The following DHX57 variants were observed in gnomAD, a reference collection of about 807,000 sequenced individuals.
The protein encoded by DHX57 is putative ATP-dependent RNA helicase DHX57.
In DHX57, 105 loss-of-function variants were observed where a neutral mutation model predicts 156.2. The observed-to-expected ratio is 0.67, with a 90% CI of 0.57 to 0.79. The LOEUF is 0.79. DHX57 is among the 30% of genes least tolerant of loss of function. The pLI is 0.00. For synonymous variants in DHX57, 704 were observed against 595.6 expected, an observed-to-expected ratio of 1.18 and a Z score of -2.65; for missense variants, 1,847 against 1,661.9, an observed-to-expected ratio of 1.11 and a Z score of -1.94.
At chr2:38,835,475 G>GCAC (rs1671603732) in intron 13 of DHX57, among the ~76,000 whole-genome samples, 1 of 152,194 alleles carries the variant, frequency 6.6e-6, no homozygotes, top group African/African-American at 2.4e-5. Context: ...GAATCAGGAA[G>GCAC]CACCTTGCCA....
intron 11 of DHX57, among the ~76,000 whole-genome samples, chr2:38,846,692 G>A (rs1198090306): frequency 6.6e-6 from 1 of 151,736 alleles, no homozygotes. Flanking sequence ...CTGAAAGAGA[G>A]GGGAGAACAA....
chr2:38,810,858 G>C, intron 21 of DHX57: 2 of 742,480 alleles, frequency 2.7e-6, no homozygotes, highest in Non-Finnish European at 4.9e-6. Context: ...TCATTTCAAT[G>C]AAGCGGTTCT....
At chr2:38,809,122 C>T (rs532298211) in intron 21 of DHX57, among the ~76,000 whole-genome samples, 33 of 152,054 alleles carry the variant, frequency 2.2e-4, no homozygotes, top group African/African-American at 8.0e-4. Context: ...AAAGTTTTGC[C>T]CATTTATTAT....
chr2:38,859,585 A>G (rs993291452), intron 5 of DHX57, among the ~76,000 whole-genome samples: 2 of 152,294 alleles, frequency 1.3e-5, no homozygotes, highest in East Asian at 3.9e-4. Context: ...AAAGTGCATG[A>G]CACATAATTT....
chr2:38,862,473 A>G, intron 3 of DHX57, 140 bp from the exon 4 acceptor site: 1 of 808,556 alleles, frequency 1.2e-6, no homozygotes, highest in Non-Finnish European at 1.7e-6. Flanking sequence ...TGAACTATTA[A>G]TTTATATCTT....
intron 19 of DHX57, among the ~76,000 whole-genome samples, chr2:38,817,508 G>A (rs1670605502): frequency 6.6e-6 from 1 of 151,314 alleles, no homozygotes; most frequent in Admixed American, 6.6e-5. Flanking sequence ...TAGAGATGGA[G>A]TTTTGCTATG....
intron 21 of DHX57, among the ~76,000 whole-genome samples, chr2:38,809,002 C>G (rs987755240): frequency 4.6e-5 from 7 of 152,152 alleles, no homozygotes; most frequent in African/African-American, 1.7e-4. Context: ...ACAGTCATAG[C>G]TAACTGTGGC....
At chr2:38,842,956 A>C (rs538033637) in intron 12 of DHX57, 49 bp downstream of exon 12, 1 of 1,572,528 alleles carries the variant, frequency 6.4e-7, no homozygotes, top group African/African-American at 1.4e-5. Context: ...AAGAAAGAAT[A>C]CTAGAAATCT....
chr2:38,809,039 T>C (rs1670099822), intron 21 of DHX57, among the ~76,000 whole-genome samples: 2 of 152,128 alleles, frequency 1.3e-5, no homozygotes, highest in Non-Finnish European at 2.9e-5. Flanking sequence ...ACAGTGATCC[T>C]CCTATCTTAG....
chr2:38,867,566 G>A (rs1665143303), intron 2 of DHX57, among the ~76,000 whole-genome samples: 1 of 152,090 alleles, frequency 6.6e-6, no homozygotes, highest in Non-Finnish European at 1.5e-5. Flanking sequence ...GCTGTTCAAT[G>A]TTTGTTTTTT....
At chr2:38,824,833 G>C (rs1671013041) in intron 16 of DHX57, among the ~76,000 whole-genome samples, 2 of 152,108 alleles carry the variant, frequency 1.3e-5, no homozygotes, top group Non-Finnish European at 2.9e-5. Flanking sequence ...TTTTTTAGTA[G>C]AGATGGGGTT....
At chr2:38,862,432 C>G (rs1673284207) in intron 3 of DHX57, 99 bp from the exon 4 acceptor site, 1 of 1,180,128 alleles carries the variant, frequency 8.5e-7, no homozygotes, top group East Asian at 2.7e-5. Flanking sequence ...AGGATCCTGA[C>G]TACTCTTCAG....
intron 14 of DHX57, 47 bp from the exon 15 acceptor site, chr2:38,826,736 A>C: frequency 6.3e-7 from 1 of 1,582,708 alleles, no homozygotes; most frequent in African/African-American, 1.3e-5. Flanking sequence ...CCTAGCACCG[A>C]AACTAGATTA....
chr2:38,865,108 C>T (rs1464871339), intron 2 of DHX57, among the ~76,000 whole-genome samples: 2 of 152,066 alleles, frequency 1.3e-5, no homozygotes, highest in African/African-American at 2.4e-5. Context: ...GTTTTTCATA[C>T]TTTCTCTTAG....
intron 11 of DHX57, 135 bp from the exon 12 acceptor site, chr2:38,843,345 C>A: frequency 2.3e-6 from 2 of 872,492 alleles, no homozygotes; most frequent in Non-Finnish European, 3.6e-6. Flanking sequence ...TCCACCAGTC[C>A]AGGATTCTGG....
intron 21 of DHX57, among the ~76,000 whole-genome samples, chr2:38,807,124 G>A (rs1424247547): frequency 1.3e-5 from 2 of 151,280 alleles, no homozygotes; most frequent in African/African-American, 4.9e-5. Flanking sequence ...GTGCGATCTC[G>A]GCTCACTGCA....
intron 9 of DHX57, among the ~76,000 whole-genome samples, chr2:38,852,562 A>G (rs770645053): frequency 1.4e-4 from 21 of 150,120 alleles, no homozygotes; most frequent in African/African-American, 5.2e-4. Context: ...AATGCCATCC[A>G]TCTTCCTGGC....
intron 21 of DHX57, chr2:38,811,302 G>T: frequency 1.9e-6 from 1 of 526,058 alleles, no homozygotes; most frequent in Non-Finnish European, 3.8e-6. Context: ...AACCAGACCT[G>T]ATCGTTCCCC....
At chr2:38,832,757 C>T (rs1432615904) in intron 13 of DHX57, among the ~76,000 whole-genome samples, 4 of 151,860 alleles carry the variant, frequency 2.6e-5, no homozygotes, top group African/African-American at 9.6e-5. Flanking sequence ...AGGCTGGTCT[C>T]GAACTCCTGA....
Sources: gnomAD v4.1 joint callset for allele counts (sites outside exome capture counted in the v4.1 genomes callset) on GRCh38, gnomAD v4.1.1 for gene constraint, MANE v1.5 for transcripts, NCBI Gene and HGNC (gene_info 2026-07-23, HGNC 2026-07-21) for gene names.